The following DHX30 variants were observed in gnomAD, a reference collection of about 807,000 sequenced individuals.
DHX30 encodes ATP-dependent RNA helicase DHX30.
DHX30 carries 4 observed loss-of-function variants against 116.9 expected under a neutral mutation model. That is an observed-to-expected ratio of 0.03 (90% CI 0.02 to 0.08). The LOEUF is 0.08. Ranked by LOEUF, DHX30 falls within the 10% of genes least tolerant of loss-of-function variation. The pLI, the probability that DHX30 is intolerant of heterozygous loss-of-function variation, is 1.00. For synonymous variants in DHX30, 697 were observed against 651.7 expected, an observed-to-expected ratio of 1.07 and a Z score of -1.06; for missense variants, 871 against 1,595.1, an observed-to-expected ratio of 0.55 and a Z score of 7.73.
At chr3:47,811,252 C>T (rs1382582694) in intron 3 of DHX30, among the ~76,000 whole-genome samples, 2 of 152,150 alleles carry the variant, frequency 1.3e-5, no homozygotes, top group African/African-American at 4.8e-5. Context: ...CCGTGGCTGG[C>T]CTCTAAAATC....
chr3:47,807,703 CAAAAAAAAAAA>C (rs1202083372), intron 2 of DHX30, among the ~76,000 whole-genome samples: 1 of 32,732 alleles, frequency 3.1e-5, no homozygotes, highest in Non-Finnish European at 5.6e-5. Context: ...GACTCTGTCT[CAAAAAAAAAAA>C]AAAAAAAAAA....
chr3:47,844,392 A>G (rs1269493141), intron 9 of DHX30, among the ~76,000 whole-genome samples: 1 of 152,228 alleles, frequency 6.6e-6, no homozygotes, highest in Non-Finnish European at 1.5e-5. Flanking sequence ...CTGTGAGCAG[A>G]AGCACCTTGG....
intron 1 of DHX30, among the ~76,000 whole-genome samples, chr3:47,804,550 C>T (rs573594180): frequency 2.0e-5 from 3 of 152,314 alleles, no homozygotes; most frequent in South Asian, 4.1e-4. Context: ...AGCGAAACTC[C>T]TTCTCAAAAC....
chr3:47,814,429 CAAA>C (rs71625837), intron 3 of DHX30, among the ~76,000 whole-genome samples: 4 of 92,650 alleles, frequency 4.3e-5, no homozygotes, highest in Non-Finnish European at 8.2e-5. Context: ...TGTCTCAAAA[CAAA>C]AAAAAAAAAA....
At position 47,808,179 on chromosome 3, in the gene DHX30, G is replaced by A. The variant is rs1189470713; in HGVS notation, c.-27-2478G>A. Among the ~76,000 whole-genome samples the A allele has an allele frequency of 3.3e-5, 5 of 151,758 alleles. No homozygotes were observed. In the East Asian group the frequency reaches 9.6e-4, roughly 29 times the overall value. ...CTTGCCTCGGCCTCCCAAAATGCTG[G>A]GATTACAGGCATGAGCCACTGCACC... On this transcript the variant is annotated intron_variant, in intron 2 of 21. Transcript: ENST00000445061.
intron 5 of DHX30, among the ~76,000 whole-genome samples, chr3:47,828,548 G>T (rs2036654789): frequency 6.6e-6 from 1 of 151,874 alleles, no homozygotes; most frequent in South Asian, 2.1e-4. Context: ...GAGGTGGGCG[G>T]ATCACAAGGT....
intron 3 of DHX30, among the ~76,000 whole-genome samples, chr3:47,817,567 G>A (rs2036113449): frequency 6.6e-6 from 1 of 152,190 alleles, no homozygotes; most frequent in Non-Finnish European, 1.5e-5. Context: ...CTCTTGGAGG[G>A]AAAGAATGAT....
At chr3:47,810,580 C>A in intron 2 of DHX30, 77 bp from the exon 3 acceptor site, 1 of 1,161,502 alleles carries the variant, frequency 8.6e-7, no homozygotes. Context: ...CAGTGCTCTC[C>A]ATGTTACTGA....
intron 4 of DHX30, among the ~76,000 whole-genome samples, chr3:47,826,782 CAT>C (rs1267775740): frequency 1.3e-5 from 2 of 152,192 alleles, no homozygotes. Context: ...AGTCCCCACA[CAT>C]AGTTTGGTTC....
At position 47,840,964 on chromosome 3, in the gene DHX30, A is replaced by C. The variant is rs1386138812; in HGVS notation, c.454A>C (p.Ser152Arg). 5.6e-6 allele frequency: 9 copies of C among 1,614,120 alleles called. No individual in the cohort carries two copies. The East Asian group carries it at 2.0e-4, about 36-fold the overall frequency. The stretch of plus-strand genomic sequence containing the variant: ...TGATCGCTTTGGCTCCCCTGCCGAC[A>C]GCTGGTGGCGTCCGGAACCCACCAT... The part of the protein sequence containing the change: ...LADRFGSPAD[S>R]WWRPEPTMPP... Residue 152 changes from serine to arginine, a missense_variant, in exon 7 of 22, where the codon AGC (serine) becomes CGC (arginine). Ser to Arg is a moderately radical substitution (Grantham distance 110). Coordinates refer to ENST00000445061, the MANE Select transcript of DHX30 (RefSeq NM_138615.3).
At chr3:47,817,355 G>C (rs1292987561) in intron 3 of DHX30, among the ~76,000 whole-genome samples, 3 of 152,072 alleles carry the variant, frequency 2.0e-5, no homozygotes, top group African/African-American at 4.8e-5. Flanking sequence ...CTTAATTTTC[G>C]TTCATGTACC....
chr3:47,823,746 A>G (rs915071059), intron 4 of DHX30, among the ~76,000 whole-genome samples: 2 of 152,172 alleles, frequency 1.3e-5, no homozygotes, highest in African/African-American at 4.8e-5. Flanking sequence ...ACCTGCAAGT[A>G]CCTGTCACCC....
intron 2 of DHX30, among the ~76,000 whole-genome samples, chr3:47,806,748 C>T (rs1404150205): frequency 6.6e-6 from 1 of 152,082 alleles, no homozygotes; most frequent in Admixed American, 6.5e-5. Flanking sequence ...CTCAGGCGTG[C>T]CTGGCCAATT....
At chr3:47,841,351 G>A (rs1310654615) in intron 7 of DHX30, among the ~76,000 whole-genome samples, 173 bp downstream of exon 7, 3 of 152,262 alleles carry the variant, frequency 2.0e-5, no homozygotes, top group Admixed American at 2.0e-4. Context: ...GCCAGCTGTG[G>A]TCTTCTATGT....
rs765896365 is a variant in DHX30, at chr3:47,848,397, G to GC, written c.2493+12dup. 6 of 1,613,980 alleles carry GC rather than the reference G, an allele frequency of 3.7e-6. No homozygotes were observed. The highest frequency in any genetic ancestry group is 5.1e-6 in the Non-Finnish European group (6 of 1,179,982). On this transcript the variant is annotated intron_variant, in intron 15 of 21. Transcript: ENST00000445061. This position sits in a 1 kb window ranked among gnomAD's most constrained non-coding sequence, Gnocchi z 9.4. ...ATGCCTGAGAAGACGGTGCGGCGGGGCGGGGCAGGGGCTGGCCTGGGGACC... is the reference window on the plus strand; with the variant it reads ...ATGCCTGAGAAGACGGTGCGGCGGGGCCGGGGCAGGGGCTGGCCTGGGGACC...
chr3:47,836,554 T>A (rs1199626007), intron 6 of DHX30, among the ~76,000 whole-genome samples: 1 of 152,062 alleles, frequency 6.6e-6, no homozygotes, highest in African/African-American at 2.4e-5. Context: ...TGTCTTGCTC[T>A]GTTGCCCAGG....
intron 4 of DHX30, chr3:47,825,845 CCCCCG>C (rs1444167188): frequency 2.6e-5 from 4 of 152,238 alleles, no homozygotes; most frequent in African/African-American, 9.7e-5. Flanking sequence ...GACGAAACCC[CCCCCG>C]CCCCGGCCAA....
At chr3:47,811,249 T>C (rs1433070774) in intron 3 of DHX30, among the ~76,000 whole-genome samples, 1 of 152,282 alleles carries the variant, frequency 6.6e-6, no homozygotes, top group East Asian at 1.9e-4. Flanking sequence ...CCACCGTGGC[T>C]GGCCTCTAAA....
chr3:47,820,408 G>A (rs1408710887), intron 4 of DHX30, among the ~76,000 whole-genome samples: 1 of 152,138 alleles, frequency 6.6e-6, no homozygotes, highest in Non-Finnish European at 1.5e-5. Flanking sequence ...GGCTCCTGTA[G>A]CTCCTCTTAC....
Sources: gnomAD v4.1 joint callset for allele counts (sites outside exome capture counted in the v4.1 genomes callset) on GRCh38, gnomAD v4.1.1 for gene constraint, Gnocchi (gnomAD v3.1) non-coding constraint, MANE v1.5 for transcripts, NCBI Gene and HGNC (gene_info 2026-07-23, HGNC 2026-07-21) for gene names.